The following CSMD1 variants were observed in gnomAD, a reference collection of about 807,000 sequenced individuals.
CSMD1 encodes the protein CUB and sushi domain-containing protein 1.
CSMD1 carries 213 observed loss-of-function variants against 417.5 expected under a neutral mutation model. The observed-to-expected ratio is 0.51, with a 90% CI of 0.46 to 0.57. CSMD1 has a LOEUF of 0.57. Among genes scored for constraint, CSMD1 ranks in the 20% least tolerant of loss-of-function variants. The pLI is 0.00. For missense variants in CSMD1, 6,923 were observed against 4,529.7 expected (o/e 1.53, Z -15.17); for synonymous variants, 2,862 against 1,736.8 (o/e 1.65, Z -16.11).
At chr8:4,430,829 A>G (rs1797832229) in intron 2 of CSMD1, among the ~76,000 whole-genome samples, 2 of 152,176 alleles carry the variant, frequency 1.3e-5, no homozygotes, top group African/African-American at 2.4e-5. Context: ...TTGTCACTGC[A>G]AATACTTCAC....
chr8:3,299,805 T>C (rs933743662), intron 25 of CSMD1, among the ~76,000 whole-genome samples: 3 of 152,072 alleles, frequency 2.0e-5, no homozygotes, highest in African/African-American at 4.8e-5. Context: ...GTTTGGAATA[T>C]TTTTTTTCTG....
intron 5 of CSMD1, among the ~76,000 whole-genome samples, chr8:3,937,799 A>C (rs549149569): frequency 1.3e-5 from 2 of 152,132 alleles, no homozygotes; most frequent in African/African-American, 4.8e-5. Flanking sequence ...ATAGAATGTT[A>C]CTTCAATTAC....
At chr8:4,094,282 G>A (rs901711593) in intron 3 of CSMD1, among the ~76,000 whole-genome samples, 3 of 152,062 alleles carry the variant, frequency 2.0e-5, no homozygotes, top group African/African-American at 7.2e-5. Flanking sequence ...TGGGGGAGGC[G>A]GTAGGGAACA....
intron 1 of CSMD1, among the ~76,000 whole-genome samples, chr8:4,882,317 C>A (rs139897466): frequency 4.0e-5 from 6 of 151,664 alleles, no homozygotes; most frequent in Non-Finnish European, 7.4e-5. Context: ...GGCAGACAAA[C>A]GACCTCTCCT....
chr8:3,544,527 T>G lies in CSMD1; in HGVS notation c.1344+30418A>C, dbSNP rs549298387. Among the ~76,000 whole-genome samples, 24 of 152,082 alleles carry G rather than the reference T, an allele frequency of 1.6e-4. No individual in the cohort carries two copies. The South Asian group carries it at 4.0e-3, about 25-fold the overall frequency. On this transcript the variant is annotated intron_variant, in intron 10 of 69. Transcript: ENST00000635120. ...AATAAACTTGCCTTTGCTTTTGCACTGTGGACTCGCCCTGAATTGTTTCTT... is the reference window on the plus strand; with the variant it reads ...AATAAACTTGCCTTTGCTTTTGCACGGTGGACTCGCCCTGAATTGTTTCTT...
chr8:3,479,962 T>C (rs1437030501), intron 11 of CSMD1, among the ~76,000 whole-genome samples: 2 of 152,124 alleles, frequency 1.3e-5, no homozygotes, highest in East Asian at 1.9e-4. Context: ...TAAAAATAGC[T>C]AGATTTGCTT....
chr8:4,641,748 A>G (rs1803206649), intron 1 of CSMD1, among the ~76,000 whole-genome samples: 1 of 152,202 alleles, frequency 6.6e-6, no homozygotes, highest in African/African-American at 2.4e-5. Flanking sequence ...AATACCTTAG[A>G]TCACAAAATA....
rs114805456 is a variant in CSMD1 at position 3,157,675 on chromosome 8, C to T, written c.5914+222G>A. On this transcript the variant is annotated intron_variant, in intron 39 of 69. Transcript: ENST00000635120. The stretch of plus-strand genomic sequence containing the variant: ...CGGGCAGTCTTGCCTCTGGTCTGTG[C>T]GGGCTGACCCAGACACACTGAGAAG... Among the ~76,000 whole-genome samples the T allele has an allele frequency of 7.0e-3, 1,070 of 152,326 alleles. 10 individuals carry two copies. The highest frequency in any genetic ancestry group is 0.024 in the African/African-American group (1,014 of 41,576).
chr8:4,105,884 C>T (rs1441335305), intron 3 of CSMD1, among the ~76,000 whole-genome samples: 3 of 152,222 alleles, frequency 2.0e-5, no homozygotes, highest in Admixed American at 6.5e-5. Flanking sequence ...CAGGACACAG[C>T]TCGGCTCTGT....
intron 5 of CSMD1, among the ~76,000 whole-genome samples, chr8:3,983,957 G>A: frequency 6.6e-6 from 1 of 152,246 alleles, no homozygotes; most frequent in Admixed American, 6.5e-5. Flanking sequence ...GCACATTGCA[G>A]ATCTGATGGG....
chr8:3,645,780 C>G (rs1226797388), intron 7 of CSMD1, among the ~76,000 whole-genome samples: 2 of 152,178 alleles, frequency 1.3e-5, no homozygotes, highest in Admixed American at 6.6e-5. Context: ...GTGAGAAAAA[C>G]AGAAAACATA....
chr8:3,350,713 T>C (rs1381078594), intron 21 of CSMD1, among the ~76,000 whole-genome samples: 1 of 152,176 alleles, frequency 6.6e-6, no homozygotes, highest in African/African-American at 2.4e-5. Context: ...ACATTAGCTA[T>C]ATAATCATTT....
chr8:4,621,959 T>C (rs1326882104), intron 2 of CSMD1, among the ~76,000 whole-genome samples: 1 of 151,966 alleles, frequency 6.6e-6, no homozygotes, highest in Non-Finnish European at 1.5e-5. Context: ...GCCAAAATCA[T>C]ATGAAAAAAT....
intron 3 of CSMD1, among the ~76,000 whole-genome samples, chr8:4,282,589 TAGA>T (rs370681244): frequency 1.4e-3 from 214 of 152,352 alleles, no homozygotes; most frequent in African/African-American, 5.0e-3. Flanking sequence ...GAATTGATCT[TAGA>T]AGATTACAGT....
Position 3,419,711 on chromosome 8 carries a change from T to A in CSMD1, c.1562-10106A>T, listed in dbSNP as rs887378586. ...ACTTTCGTCACCTACAACGTTCTAA[T>A]CAAATACCAAATAGCCAACATGTCA... On this transcript the variant is annotated intron_variant, in intron 12 of 69. Transcript: ENST00000635120. Among the ~76,000 whole-genome samples the A allele has an allele frequency of 1.3e-5, 2 of 152,192 alleles. 1 individual carries two copies. The highest frequency in any genetic ancestry group is 4.1e-4 in the South Asian group (2 of 4,836).
chr8:4,486,268 T>C (rs1390476595), intron 2 of CSMD1, among the ~76,000 whole-genome samples: 6 of 139,422 alleles, frequency 4.3e-5, no homozygotes, highest in Non-Finnish European at 7.6e-5. Context: ...TATATATATA[T>C]ATATATATAC....
At chr8:4,109,101 C>T (rs1408062390) in intron 3 of CSMD1, among the ~76,000 whole-genome samples, 6 of 152,132 alleles carry the variant, frequency 3.9e-5, no homozygotes, top group Non-Finnish European at 7.4e-5. Flanking sequence ...TCCCTATATA[C>T]ATTAAATCAT....
At chr8:4,611,391 C>G (rs1801160611) in intron 2 of CSMD1, among the ~76,000 whole-genome samples, 1 of 152,194 alleles carries the variant, frequency 6.6e-6, no homozygotes, top group African/African-American at 2.4e-5. Flanking sequence ...CACTGGCTAT[C>G]TGGTTAGTTC....
At chr8:3,930,197 A>T (rs1334612332) in intron 5 of CSMD1, among the ~76,000 whole-genome samples, 1 of 150,256 alleles carries the variant, frequency 6.7e-6, no homozygotes, top group Non-Finnish European at 1.5e-5. Context: ...TATCTATTAG[A>T]TGATGATTCT....
Sources: allele counts gnomAD v4.1 joint callset (sites outside exome capture counted in the v4.1 genomes callset), GRCh38; gene constraint gnomAD v4.1.1; transcripts MANE v1.5; gene names NCBI Gene and HGNC (gene_info 2026-07-23, HGNC 2026-07-21).